Variants in FBXO8 observed in about 807,000 individuals in gnomAD.
FBXO8 encodes F-box protein 8.
Under a neutral mutation model 33.4 loss-of-function variants are expected in FBXO8, and 15 were observed. The observed-to-expected ratio is 0.45, with a 90% confidence interval of 0.30 to 0.69. FBXO8 has a LOEUF of 0.69. Among genes scored for constraint, FBXO8 ranks in the 30% least tolerant of loss-of-function variants. FBXO8 has a pLI of 0.08. For synonymous variants in FBXO8, 132 were observed against 131.5 expected (o/e 1.00, Z -0.02); for missense variants, 274 against 380.3 (o/e 0.72, Z 2.32).
rs1051232482 is a variant in FBXO8 at position 174,265,380 on chromosome 4, A to C, written c.-8-2280T>G. 6.6e-5 allele frequency among the ~76,000 whole-genome samples: 10 copies of C among 151,830 alleles called. No homozygotes were observed. The highest frequency in any genetic ancestry group is 2.4e-4 in the African/African-American group (10 of 41,330). On this transcript the variant is annotated intron_variant, in intron 1 of 5. Coordinates refer to ENST00000393674, the MANE Select transcript of FBXO8 (RefSeq NM_012180.3). This position sits in a 1 kb window ranked among gnomAD's most constrained non-coding sequence, Gnocchi z 4.7. The stretch of plus-strand genomic sequence containing the variant: ...CCTAATTAAAAGCTTATGTCCACAC[A>C]AAAACCTACACGTGAATGTTTAAAG...
chr4:174,279,013 C>T (rs1367141035), intron 1 of FBXO8, among the ~76,000 whole-genome samples: 4 of 151,832 alleles, frequency 2.6e-5, no homozygotes, highest in African/African-American at 9.7e-5. Flanking sequence ...ACTGGTGTTC[C>T]CTAAGGTCTT....
rs573666221 is a variant in FBXO8, at chr4:174,263,829, A to G, written c.-8-729T>C. ...TCAGAAGTACCTGGGAAAAGACACC[A>G]GAAGAAAGGTGTGCTCTAGTCTCCC... On this transcript the variant is annotated intron_variant, in intron 1 of 5. Transcript: ENST00000393674. The surrounding 1 kb of genome is among the most constrained non-coding windows in gnomAD (Gnocchi z 4.2). Among the ~76,000 whole-genome samples the G allele has an allele frequency of 2.9e-4, 44 of 152,342 alleles. No individual in the cohort carries two copies. Among genetic ancestry groups the G allele is most frequent in the Non-Finnish European group, 5.4e-4 (37 of 68,026 alleles).
In FBXO8 at chr4:174,237,324, G is replaced by T; in HGVS notation, c.*88C>A. ...CTTGATTGTATACTCAGGCTACAAT[G>T]ACCAGCACTGATGTAACCCCCATAT... On this transcript the variant is annotated 3_prime_UTR_variant, in exon 6 of 6. Coordinates refer to ENST00000393674, the MANE Select transcript of FBXO8 (RefSeq NM_012180.3). The surrounding 1 kb of genome is among the most constrained non-coding windows in gnomAD (Gnocchi z 4.4). The T allele has an allele frequency of 1.9e-6, 2 of 1,074,010 alleles. No individual in the cohort carries two copies. The highest frequency in any genetic ancestry group is 1.7e-5 in the South Asian group (1 of 58,110). 66.5% of individuals were successfully genotyped at this position (1,074,010 alleles called of 1,614,324 possible).
chr4:174,249,802 C>T (rs1480928743), intron 3 of FBXO8, among the ~76,000 whole-genome samples: 2 of 151,896 alleles, frequency 1.3e-5, no homozygotes, highest in East Asian at 3.9e-4. Context: ...AGCAGCACTA[C>T]TGAAACAAAA....
intron 1 of FBXO8, among the ~76,000 whole-genome samples, chr4:174,279,488 A>T (rs1444627163): frequency 6.6e-6 from 1 of 152,162 alleles, no homozygotes; most frequent in African/African-American, 2.4e-5. Flanking sequence ...CGTTTTTTGC[A>T]TTAATAGAAA....
intron 3 of FBXO8, among the ~76,000 whole-genome samples, chr4:174,244,317 G>A (rs1172502060): frequency 1.3e-5 from 2 of 151,560 alleles, no homozygotes; most frequent in African/African-American, 4.8e-5. Context: ...CTCAATTATA[G>A]GCAGACAGAT....
In FBXO8 at chr4:174,255,952, C is replaced by A; in HGVS notation, c.456+3747G>T. The A allele has an allele frequency of 3.2e-6, 1 of 311,134 alleles. No homozygotes were observed. The highest frequency in any genetic ancestry group is 2.9e-5 in the South Asian group (1 of 34,402). The allele number at this position is 311,134 out of a possible 1,614,324, so 19.3% of individuals were successfully genotyped here. A position where few individuals can be genotyped will look rare whatever the true frequency, so the allele number is the denominator to read the frequency against. ...CTGCCACAAAGTACACAAGCTCATG[C>A]ACAAGATCAAGACGTTACATACAGC... On this transcript the variant is annotated intron_variant, in intron 3 of 5. Transcript: ENST00000393674. This position sits in a 1 kb window ranked among gnomAD's most constrained non-coding sequence, Gnocchi z 4.3.
chr4:174,283,507 CAGGCCAT>C lies in FBXO8; in HGVS notation c.-113_-107del. Reference sequence around the variant, plus strand: ...AATGGCTCAGCCGGGAACTGGTGCCCAGGCCATGGAGAAGCTGATTCAAACTTTACTT... The same window carrying C: ...AATGGCTCAGCCGGGAACTGGTGCCCGGAGAAGCTGATTCAAACTTTACTT... On this transcript the variant is annotated 5_prime_UTR_variant, in exon 1 of 6. It removes an upstream start codon present in the reference 5' UTR. Coordinates refer to ENST00000393674, the MANE Select transcript of FBXO8 (RefSeq NM_012180.3). The surrounding 1 kb of genome is among the most constrained non-coding windows in gnomAD (Gnocchi z 6.7). The C allele has an allele frequency of 5.7e-6, 1 of 174,054 alleles. No homozygotes were observed. Among genetic ancestry groups the C allele is most frequent in the South Asian group, 2.0e-4 (1 of 5,008 alleles). The allele number at this position is 174,054 out of a possible 1,614,324, so 10.8% of individuals were successfully genotyped here. A position where few individuals can be genotyped will look rare whatever the true frequency, so the allele number is the denominator to read the frequency against.
chr4:174,281,953 T>A lies in FBXO8; in HGVS notation c.-9+1457A>T, dbSNP rs1464553218. ...TAGACTTTAGTATTAATGATTTTGA[T>A]GCATTATCATGGGTCAGTCAATGGA... On this transcript the variant is annotated intron_variant, in intron 1 of 5. Coordinates refer to ENST00000393674, the MANE Select transcript of FBXO8 (RefSeq NM_012180.3). This position sits in a 1 kb window ranked among gnomAD's most constrained non-coding sequence, Gnocchi z 4.6. 2.6e-5 allele frequency among the ~76,000 whole-genome samples: 4 copies of A among 152,210 alleles called. No individual in the cohort carries two copies. The highest frequency in any genetic ancestry group is 6.5e-5 in the Admixed American group (1 of 15,290).
chr4:174,242,335 C>T (rs1736058327), intron 3 of FBXO8, among the ~76,000 whole-genome samples: 1 of 151,470 alleles, frequency 6.6e-6, no homozygotes, highest in African/African-American at 2.4e-5. Context: ...AAGATAAAAA[C>T]TTTCTCATAA....
At position 174,259,889 on chromosome 4, in the gene FBXO8, G is replaced by A; in HGVS notation, c.330-64C>T. On this transcript the variant is annotated intron_variant, in intron 2 of 5. Transcript: ENST00000393674. This position sits in a 1 kb window ranked among gnomAD's most constrained non-coding sequence, Gnocchi z 4.3. ...ACATTTAATTTCCTAAGTTAAATAT[G>A]CATATACATGCAAAAATAGTAACAT... is the stretch of plus-strand genomic sequence containing the variant. The A allele has an allele frequency of 7.3e-7, 1 of 1,371,388 alleles. No individual in the cohort carries two copies. The highest frequency in any genetic ancestry group is 9.8e-7 in the Non-Finnish European group (1 of 1,015,522). 85.0% of individuals were successfully genotyped at this position (1,371,388 alleles called of 1,614,324 possible).
rs956415136 is a variant in FBXO8 at position 174,281,864 on chromosome 4, G to A, written c.-9+1546C>T. Among the ~76,000 whole-genome samples, 20 of 152,096 alleles carry A rather than the reference G, an allele frequency of 1.3e-4. No homozygotes were observed. Among genetic ancestry groups the A allele is most frequent in the African/African-American group, 4.8e-4 (20 of 41,406 alleles). ...GAAATAGATGTATTTCATTTAAATT[G>A]TTTAAAAAATTATTTAAGTAAAATA... On this transcript the variant is annotated intron_variant, in intron 1 of 5. Coordinates refer to ENST00000393674, the MANE Select transcript of FBXO8 (RefSeq NM_012180.3). The surrounding 1 kb of genome is among the most constrained non-coding windows in gnomAD (Gnocchi z 4.6).
At chr4:174,260,025 G>A (rs535752264) in intron 2 of FBXO8, among the ~76,000 whole-genome samples, 200 bp from the exon 3 acceptor site, 2 of 151,978 alleles carry the variant, frequency 1.3e-5, no homozygotes, top group South Asian at 4.1e-4. Context: ...AATTTTGACA[G>A]CATCTAATAA....
rs1736492751 is a variant in FBXO8, at chr4:174,259,440, A to G, written c.456+259T>C. On this transcript the variant is annotated intron_variant, in intron 3 of 5. Coordinates refer to ENST00000393674, the MANE Select transcript of FBXO8 (RefSeq NM_012180.3). This position sits in a 1 kb window ranked among gnomAD's most constrained non-coding sequence, Gnocchi z 4.3. ...CTACTTATAATGTACTAATATTGTA[A>G]TCAGGTCAGTAGAGGACTGAATATA... Among the ~76,000 whole-genome samples the G allele has an allele frequency of 6.6e-6, 1 of 152,090 alleles. No homozygotes were observed. The highest frequency in any genetic ancestry group is 1.5e-5 in the Non-Finnish European group (1 of 67,968).
intron 1 of FBXO8, among the ~76,000 whole-genome samples, chr4:174,276,472 G>A (rs1736962694): frequency 1.3e-5 from 2 of 152,136 alleles, no homozygotes; most frequent in Non-Finnish European, 2.9e-5. Context: ...TCCTGACTAT[G>A]TGATCCGCCT....
At chr4:174,268,799 G>A (rs1359373852) in intron 1 of FBXO8, among the ~76,000 whole-genome samples, 1 of 152,160 alleles carries the variant, frequency 6.6e-6, no homozygotes, top group Non-Finnish European at 1.5e-5. Context: ...CATTAAATAA[G>A]CCACAAAAAG....
In FBXO8 at chr4:174,277,459, G is replaced by T. The variant is rs1736984901; in HGVS notation, c.-9+5951C>A. On this transcript the variant is annotated intron_variant, in intron 1 of 5. Transcript: ENST00000393674. The surrounding 1 kb of genome is among the most constrained non-coding windows in gnomAD (Gnocchi z 4.9). ...GGCACTAAGCACTCAAATGGCACAT[G>T]CTGTGCAGACAATAAGTAATGAAGA... is the stretch of plus-strand genomic sequence containing the variant. 6.6e-6 allele frequency among the ~76,000 whole-genome samples: 1 copy of T among 152,134 alleles called. No individual in the cohort carries two copies. The highest frequency in any genetic ancestry group is 6.5e-5 in the Admixed American group (1 of 15,274).
chr4:174,246,077 T>C (rs2126418668), intron 3 of FBXO8, among the ~76,000 whole-genome samples: 1 of 152,064 alleles, frequency 6.6e-6, no homozygotes, highest in Middle Eastern at 3.4e-3. Context: ...AGATTCAGGA[T>C]CTTGGATAAG....
rs1008908156 is a variant in FBXO8, at chr4:174,265,060, A to G, written c.-8-1960T>C. ...GTCGTGAGGGAACTGAAAATAACAT[A>G]ACTATGAGATACTACTACACACCCA... On this transcript the variant is annotated intron_variant, in intron 1 of 5. Coordinates refer to ENST00000393674, the MANE Select transcript of FBXO8 (RefSeq NM_012180.3). This position sits in a 1 kb window ranked among gnomAD's most constrained non-coding sequence, Gnocchi z 4.7. 6.6e-6 allele frequency among the ~76,000 whole-genome samples: 1 copy of G among 152,126 alleles called. No individual in the cohort carries two copies. Among genetic ancestry groups the G allele is most frequent in the African/African-American group, 2.4e-5 (1 of 41,448 alleles).
Sources: allele counts gnomAD v4.1 joint callset (sites outside exome capture counted in the v4.1 genomes callset), GRCh38; gene constraint gnomAD v4.1.1; non-coding constraint Gnocchi (gnomAD v3.1); transcripts MANE v1.5; gene names NCBI Gene and HGNC (gene_info 2026-07-23, HGNC 2026-07-21).